NRAP: variants seen among roughly 807,000 people sequenced by gnomAD.
NRAP encodes nebulin-related-anchoring protein.
Under a neutral mutation model 225.9 loss-of-function variants are expected in NRAP, and 189 were observed. That is an observed-to-expected ratio of 0.84 (90% CI 0.74 to 0.94). The LOEUF (loss-of-function observed/expected upper bound fraction) is 0.94. NRAP is among the 40% of genes least tolerant of loss of function. NRAP has a pLI of 0.00. For synonymous variants in NRAP, 769 were observed against 790.7 expected, an observed-to-expected ratio of 0.97 and a Z score of 0.46; for missense variants, 2,176 against 2,168.7, an observed-to-expected ratio of 1.00 and a Z score of -0.07.
intron 7 of NRAP, among the ~76,000 whole-genome samples, chr10:113,651,383 T>G (rs757002509): frequency 6.6e-6 from 1 of 152,158 alleles, no homozygotes; most frequent in East Asian, 1.9e-4. Flanking sequence ...GACGTGCAGG[T>G]TTGTTACGTA....
At chr10:113,648,039 T>C (rs985898109) in intron 9 of NRAP, among the ~76,000 whole-genome samples, 2 of 152,188 alleles carry the variant, frequency 1.3e-5, no homozygotes, top group African/African-American at 4.8e-5. Context: ...CCCCTGGACC[T>C]GCCCCAGGCA....
At chr10:113,609,938 C>T (rs1345250611) in intron 31 of NRAP, among the ~76,000 whole-genome samples, 1 of 148,998 alleles carries the variant, frequency 6.7e-6, no homozygotes, top group Non-Finnish European at 1.5e-5. Flanking sequence ...TCTTAAATGG[C>T]ATGCAGTCTG....
intron 25 of NRAP, among the ~76,000 whole-genome samples, chr10:113,617,800 A>G (rs1345747051): frequency 6.6e-6 from 1 of 152,226 alleles, no homozygotes; most frequent in Non-Finnish European, 1.5e-5. Flanking sequence ...ATTAGGTTAT[A>G]CTAGTAAAAT....
At chr10:113,618,013 G>A (rs182180238) in intron 25 of NRAP, among the ~76,000 whole-genome samples, 2 of 152,038 alleles carry the variant, frequency 1.3e-5, no homozygotes, top group Non-Finnish European at 2.9e-5. Context: ...TCAGCAGCCC[G>A]CGAGCGTATG....
Position 113,604,905 on chromosome 10 carries a change from C to T in NRAP, c.3931G>A (p.Asp1311Asn). 2 of 1,613,190 alleles carry T rather than the reference C, an allele frequency of 1.2e-6. No homozygotes were observed. The highest frequency in any genetic ancestry group is 2.2e-5 in the South Asian group (2 of 91,026). The change falls in exon 35 of 42, where the codon GAC becomes AAC. Residue 1311 changes from aspartate (D) to asparagine (N), a missense_variant. Coordinates refer to ENST00000359988, the MANE Select transcript of NRAP (RefSeq NM_198060.4). ...DIASDFLYRH[D>N]FVKERGKLIG... ...AGTTTCCCTCGCTCCTTCACAAAGT[C>T]ATGTCTGTAGAGAAACTGCAAGAAA...
chr10:113,655,295 G>A (rs1850239965), intron 4 of NRAP, among the ~76,000 whole-genome samples: 1 of 152,076 alleles, frequency 6.6e-6, no homozygotes, highest in African/African-American at 2.4e-5. Flanking sequence ...CATACCCTTT[G>A]ATCTAGCAAC....
intron 20 of NRAP, among the ~76,000 whole-genome samples, chr10:113,627,613 C>T (rs977720132): frequency 7.9e-5 from 12 of 152,188 alleles, no homozygotes; most frequent in Admixed American, 2.0e-4. Flanking sequence ...ATTCTATATT[C>T]TAATCCTAAA....
intron 3 of NRAP, 141 bp downstream of exon 3, chr10:113,662,538 T>C (rs371870972): frequency 1.6e-6 from 1 of 639,116 alleles, no homozygotes. Context: ...TCTGCCCGCT[T>C]TGGCCTCCCA....
Position 113,614,945 on chromosome 10 carries a change from G to A in NRAP, c.3080C>T (p.Thr1027Met), listed in dbSNP as rs143971684. ...TTTGCTCCAGGATTCCTTATAACGCGTCTGTCGGGAAGATGTGCACAAGGA... is the reference window on the plus strand; with the variant it reads ...TTTGCTCCAGGATTCCTTATAACGCATCTGTCGGGAAGATGTGCACAAGGA... ...AKLNAMNISE[T>M]RYKESWSKLR... is the part of the protein sequence containing the mutation. Residue 1027 changes from threonine to methionine, a missense_variant and splice_region_variant, in exon 28 of 42, where the codon ACG becomes ATG. Physicochemically the swap from Thr to Met is moderately conservative, Grantham distance 81 (BLOSUM62 -1). Around this residue, in one of 3 missense-constraint regions of NRAP, gnomAD observed 1,708 missense variants for 1,695.5 expected, o/e 1.01. Transcript: ENST00000359988. 115 of 1,576,834 alleles carry A rather than the reference G, an allele frequency of 7.3e-5. No individual in the cohort carries two copies. The highest frequency in any genetic ancestry group is 5.8e-4 in the East Asian group (26 of 44,766).
intron 25 of NRAP, among the ~76,000 whole-genome samples, chr10:113,619,209 G>T (rs1486104860): frequency 1.3e-5 from 2 of 152,152 alleles, no homozygotes; most frequent in Non-Finnish European, 2.9e-5. Flanking sequence ...ACACACGAAG[G>T]AAATCACCCT....
At chr10:113,619,990 G>A (rs1419342422) in intron 25 of NRAP, among the ~76,000 whole-genome samples, 1 of 151,558 alleles carries the variant, frequency 6.6e-6, no homozygotes, top group African/African-American at 2.4e-5. Flanking sequence ...ATAACCCCAC[G>A]ACAAAGAAAA....
At chr10:113,653,835 C>T (rs539684466) in intron 5 of NRAP, among the ~76,000 whole-genome samples, 186 bp downstream of exon 5, 2 of 152,192 alleles carry the variant, frequency 1.3e-5, no homozygotes, top group African/African-American at 4.8e-5. Flanking sequence ...GATTTGGCCT[C>T]TGCTTCTGTC....
intron 25 of NRAP, among the ~76,000 whole-genome samples, chr10:113,620,279 T>C (rs1425080527): frequency 6.6e-6 from 1 of 152,230 alleles, no homozygotes; most frequent in East Asian, 1.9e-4. Flanking sequence ...AAGAGCTTTT[T>C]GGGTGCCATA....
At chr10:113,652,022 G>T in intron 6 of NRAP, 115 bp from the exon 7 acceptor site, 1 of 712,574 alleles carries the variant, frequency 1.4e-6, no homozygotes, top group Non-Finnish European at 2.5e-6. Flanking sequence ...CAAACCTGTG[G>T]CAAGTCTTCT....
intron 33 of NRAP, 116 bp from the exon 34 acceptor site, chr10:113,605,985 A>G (rs1846937487): frequency 3.5e-6 from 3 of 861,878 alleles, no homozygotes; most frequent in Non-Finnish European, 1.9e-6. Context: ...TTGTGCAGCA[A>G]ATCTCATTAG....
intron 29 of NRAP, 57 bp downstream of exon 29, chr10:113,614,126 C>T (rs1259082480): frequency 1.8e-6 from 2 of 1,091,012 alleles, no homozygotes. Context: ...GGTTGCCATG[C>T]AGTGAGCGTT....
At chr10:113,593,071 G>C (rs1564692621) in intron 38 of NRAP, among the ~76,000 whole-genome samples, 1 of 151,968 alleles carries the variant, frequency 6.6e-6, no homozygotes, top group Non-Finnish European at 1.5e-5. Flanking sequence ...TCAAGATAAG[G>C]GAATGGCTCT....
chr10:113,625,236 ACTGT>A (rs1381402588), intron 21 of NRAP, among the ~76,000 whole-genome samples: 1 of 152,076 alleles, frequency 6.6e-6, no homozygotes, highest in Non-Finnish European at 1.5e-5. Flanking sequence ...TGCTATTTAC[ACTGT>A]CTGTGGCCAA....
chr10:113,626,022 G>T (rs1254622884), intron 21 of NRAP, 25 bp downstream of exon 21: 5 of 1,540,828 alleles, frequency 3.2e-6, no homozygotes, highest in Non-Finnish European at 4.4e-6. Flanking sequence ...GCAGCTTGGT[G>T]GAGAAAGGGC....
Sources: allele counts gnomAD v4.1 joint callset (sites outside exome capture counted in the v4.1 genomes callset), GRCh38; gene constraint gnomAD v4.1.1; regional missense constraint gnomAD v4.1.1; transcripts MANE v1.5; gene names NCBI Gene and HGNC (gene_info 2026-07-23, HGNC 2026-07-21).